Variants in GLRA2 observed in about 807,000 individuals in gnomAD.
The protein encoded by GLRA2 is glycine receptor alpha 2.
Under a neutral mutation model 31.6 loss-of-function variants are expected in GLRA2, and 11 were observed. The ratio of observed to expected loss-of-function variants is 0.35; its 90% CI spans 0.22 to 0.58. GLRA2 has a LOEUF of 0.58. Ranked by LOEUF, GLRA2 falls within the 20% of genes least tolerant of loss-of-function variation. The probability of loss-of-function intolerance (pLI) is 0.84; values close to 1 mark genes in which losing one functional copy is unlikely to be tolerated. For missense variants in GLRA2, 212 were observed against 351.8 expected (o/e 0.60, Z 3.18); for synonymous variants, 132 against 134.0 (o/e 0.99, Z 0.10).
chrX:14,495,946 G>C, the GLRA2 span, among the ~76,000 whole-genome samples: 1 of 111,114 alleles, frequency 9.0e-6, no homozygotes, highest in Non-Finnish European at 1.9e-5. Context: ...TTTCAGGATA[G>C]TTTTGTTTCA....
intron 2 of GLRA2, among the ~76,000 whole-genome samples, chrX:14,554,778 T>C (rs1369985811): frequency 9.0e-6 from 1 of 111,710 alleles, no homozygotes; most frequent in Admixed American, 9.5e-5. Flanking sequence ...TTGAAATAAA[T>C]GTGCAAATGG....
the GLRA2 span, among the ~76,000 whole-genome samples, chrX:14,503,615 C>T: frequency 8.9e-6 from 1 of 111,770 alleles, no homozygotes; most frequent in African/African-American, 3.3e-5. Flanking sequence ...TTGGTGCTCT[C>T]TTCAATGCCA....
intron 7 of GLRA2, among the ~76,000 whole-genome samples, chrX:14,632,386 T>C (rs943563431): frequency 9.0e-6 from 1 of 111,251 alleles, no homozygotes; most frequent in African/African-American, 3.3e-5. Context: ...ATGTAGATAA[T>C]TGAAATAATT....
intron 2 of GLRA2, among the ~76,000 whole-genome samples, chrX:14,539,349 T>C (rs2089369722): frequency 9.0e-6 from 1 of 111,520 alleles, no homozygotes; most frequent in Non-Finnish European, 1.9e-5. Flanking sequence ...CCTAGGATGC[T>C]GTCCTGACTG....
chrX:14,468,587 G>T, the GLRA2 span, among the ~76,000 whole-genome samples: 1 of 112,044 alleles, frequency 8.9e-6, no homozygotes, highest in Non-Finnish European at 1.9e-5. Context: ...TTAGCATAAT[G>T]TTATCATACT....
At chrX:14,653,671 T>TA (rs2090911740) in intron 7 of GLRA2, among the ~76,000 whole-genome samples, 1 of 112,531 alleles carries the variant, frequency 8.9e-6, no homozygotes, top group African/African-American at 3.2e-5. Context: ...TCCATAAACT[T>TA]AGTTGATAAA....
chrX:14,469,834 TTAAAA>T, the GLRA2 span, among the ~76,000 whole-genome samples: 3 of 109,913 alleles, frequency 2.7e-5, no homozygotes, highest in African/African-American at 9.9e-5. Context: ...ACCCTAAAAC[TTAAAA>T]TATAATAATA....
the GLRA2 span, among the ~76,000 whole-genome samples, chrX:14,460,239 A>G: frequency 2.7e-5 from 3 of 111,749 alleles, no homozygotes; most frequent in Non-Finnish European, 5.6e-5. Flanking sequence ...ATTGTGGTGG[A>G]TAAGATTTTT....
the GLRA2 span, among the ~76,000 whole-genome samples, chrX:14,517,303 C>A: frequency 8.9e-6 from 1 of 111,804 alleles, no homozygotes; most frequent in East Asian, 2.8e-4. Context: ...TAAATATGTG[C>A]CATTTTAAAA....
rs146795605 is a variant in GLRA2, at chrX:14,674,350, G to C, written c.931-16360G>C. On this transcript the variant is annotated intron_variant, in intron 7 of 8. Coordinates refer to ENST00000218075, the MANE Select transcript of GLRA2 (RefSeq NM_002063.4). Reference sequence around the variant, plus strand: ...ATATAAAAATACTAACAAAGTCTTAGTCCATGCACAAAACATCAAATACAA... The same window carrying C: ...ATATAAAAATACTAACAAAGTCTTACTCCATGCACAAAACATCAAATACAA... Among the ~76,000 whole-genome samples the C allele has an allele frequency of 9.3e-3, 1,046 of 112,339 alleles. 8 individuals are homozygous for C. The highest frequency in any genetic ancestry group is 0.031 in the African/African-American group (963 of 30,906).
chrX:14,709,760 C>A (rs779715569), intron 8 of GLRA2, among the ~76,000 whole-genome samples: 1 of 111,677 alleles, frequency 9.0e-6, no homozygotes, highest in Non-Finnish European at 1.9e-5. Context: ...AGCTATACCC[C>A]CTCCTTACTC....
the GLRA2 span, among the ~76,000 whole-genome samples, chrX:14,455,162 G>A: frequency 9.0e-6 from 1 of 111,692 alleles, no homozygotes; most frequent in South Asian, 3.7e-4. Flanking sequence ...GCCTACCAAA[G>A]ATATAAAACT....
intron 7 of GLRA2, among the ~76,000 whole-genome samples, chrX:14,637,599 G>A (rs908842396): frequency 5.4e-5 from 6 of 111,914 alleles, no homozygotes; most frequent in African/African-American, 1.9e-4. Flanking sequence ...CTGAACTGAT[G>A]GGAGGCTAAT....
chrX:14,574,587 C>T lies in GLRA2; in HGVS notation c.270+187C>T, dbSNP rs375693868. On this transcript the variant is annotated intron_variant, in intron 3 of 8. Transcript: ENST00000218075. ...GAGTGGGACTGAGCATTGAAGCCAT[C>T]GTGTGAAGGAATGGGATGTGGGATT... 80 of 1,055,937 alleles carry T rather than the reference C, an allele frequency of 7.6e-5. No individual in the cohort carries two copies. The African/African-American group carries it at 1.4e-3, about 18-fold the overall frequency. 87.0% of individuals were successfully genotyped at this position (1,055,937 alleles called of 1,213,427 possible).
At chrX:14,591,587 C>T (rs769270464) in intron 4 of GLRA2, among the ~76,000 whole-genome samples, 2 of 112,063 alleles carry the variant, frequency 1.8e-5, no homozygotes, top group Non-Finnish European at 1.9e-5. Context: ...GATGATGTGC[C>T]TAGCCAGATT....
At chrX:14,637,406 A>G (rs1390390113) in intron 7 of GLRA2, among the ~76,000 whole-genome samples, 5 of 112,458 alleles carry the variant, frequency 4.4e-5, no homozygotes, top group Non-Finnish European at 9.4e-5. Flanking sequence ...GTTCCACCCA[A>G]TAAAGCTAAA....
At chrX:14,632,535 A>C (rs2090663476) in intron 7 of GLRA2, among the ~76,000 whole-genome samples, 1 of 111,877 alleles carries the variant, frequency 8.9e-6, no homozygotes, top group African/African-American at 3.2e-5. Context: ...ATGTACAGTA[A>C]TAAATATTAA....
chrX:14,620,042 C>T (rs998557140), intron 7 of GLRA2, among the ~76,000 whole-genome samples: 15 of 107,881 alleles, frequency 1.4e-4, no homozygotes, highest in African/African-American at 3.0e-4. Flanking sequence ...ACAGAGAATC[C>T]GGCTGCATAT....
At chrX:14,531,662 T>A (rs909543825) in intron 1 of GLRA2, among the ~76,000 whole-genome samples, 1 of 111,457 alleles carries the variant, frequency 9.0e-6, no homozygotes. Flanking sequence ...TGACCTATTT[T>A]AAAAAGAAAT....
Sources: allele counts gnomAD v4.1 joint callset (sites outside exome capture counted in the v4.1 genomes callset), GRCh38; gene constraint gnomAD v4.1.1; transcripts MANE v1.5; gene names NCBI Gene and HGNC (gene_info 2026-07-23, HGNC 2026-07-21).